Variants in TEX38 observed in about 807,000 individuals in gnomAD.
TEX38 encodes the protein testis-expressed protein 38.
TEX38 carries 5 observed loss-of-function variants against 2.7 expected under a neutral mutation model. The ratio of observed to expected loss-of-function variants is 1.86; its 90% CI spans 0.97 to 3.90. The LOEUF (loss-of-function observed/expected upper bound fraction) is 3.90, where lower values mean the gene tolerates loss of function less well. Ranked by LOEUF, TEX38 falls within the 30% of genes most tolerant of loss-of-function variation. The pLI, the probability that TEX38 is intolerant of heterozygous loss-of-function variation, is 0.00. For missense variants in TEX38, 218 were observed against 247.9 expected (o/e 0.88, Z 0.81); for synonymous variants, 110 against 103.3 (o/e 1.06, Z -0.39).
upstream of TEX38, among the ~76,000 whole-genome samples, chr1:46,670,611 T>C (rs537913434): frequency 6.6e-6 from 1 of 152,154 alleles, no homozygotes; most frequent in Non-Finnish European, 1.5e-5. Flanking sequence ...TGAATGTAGA[T>C]AGAGCACTAA....
chr1:46,672,936 T>C lies in TEX38; in HGVS notation c.101T>C (p.Ile34Thr). ...TCTGTGATAACTGGAGGGTGCATTATCTTTCTGCACTGGAGGAAGAACTTG... is the reference window on the plus strand; with the variant it reads ...TCTGTGATAACTGGAGGGTGCATTACCTTTCTGCACTGGAGGAAGAACTTG... ...LCSVITGGCI[I>T]FLHWRKNLRR... Residue 34 changes from isoleucine to threonine, a missense_variant, in exon 2 of 2, where the codon ATC becomes ACC. Ile to Thr is a moderately conservative substitution (Grantham distance 89). Transcript: ENST00000334122. 6.4e-7 allele frequency: 1 copy of C among 1,551,742 alleles called. No homozygotes were observed.
In TEX38 at chr1:46,673,425, T is replaced by G. The variant is rs1000167873; in HGVS notation, c.590T>G (p.Phe197Cys). ...LLNLAQEDHSFNAKPFPSEL is the reference protein window; with the variant it reads ...LLNLAQEDHSCNAKPFPSEL ...AATCTGGCCCAGGAAGACCATAGCT[T>G]CAATGCCAAGCCTTTTCCTTCAGAA... The change falls in exon 2 of 2, where the codon TTC (phenylalanine) becomes TGC (cysteine). Residue 197 changes from phenylalanine to cysteine, a missense_variant. Coordinates refer to ENST00000334122, the MANE Select transcript of TEX38 (RefSeq NM_001145474.4). 15 of 1,551,654 alleles carry G rather than the reference T, an allele frequency of 9.7e-6. No individual in the cohort carries two copies. In the African/African-American group the frequency reaches 1.2e-4, roughly 13 times the overall value.
chr1:46,670,283 T>C (rs685862), upstream of TEX38, among the ~76,000 whole-genome samples: 11,885 of 152,126 alleles, frequency 0.078, 1,185 homozygotes, highest in East Asian at 0.4. Context: ...ATGGAGTCAG[T>C]GTGGGTGTGA....
upstream of TEX38, among the ~76,000 whole-genome samples, chr1:46,671,501 A>G (rs1676581903): frequency 6.6e-6 from 1 of 152,190 alleles, no homozygotes; most frequent in African/African-American, 2.4e-5. Context: ...AGGGCTGCCC[A>G]ATGCTGTGTG....
chr1:46,673,353 C>T lies in TEX38; in HGVS notation c.518C>T (p.Pro173Leu). 1 of 1,551,904 alleles carries T rather than the reference C, an allele frequency of 6.4e-7. No homozygotes were observed. Among genetic ancestry groups the T allele is most frequent in the East Asian group, 2.4e-5 (1 of 40,924 alleles). ...CTGCTGAACCACTCTGTCTCCTATC[C>T]TTTGGCCACCTGTCCTGAAAGGAAT... ...PPLLNHSVSYPLATCPERNVL... is the reference protein window; with the variant it reads ...PPLLNHSVSYLLATCPERNVL... The change falls in exon 2 of 2, where the codon CCT (proline) becomes CTT (leucine). Residue 173 changes from proline to leucine, a missense_variant. Transcript: ENST00000334122.
Position 46,673,009 on chromosome 1 carries a change from C to T in TEX38, c.174C>T (p.Ala58=). 1.3e-6 allele frequency: 2 copies of T among 1,551,700 alleles called. No individual in the cohort carries two copies. Among genetic ancestry groups the T allele is most frequent in the Middle Eastern group, 3.3e-4 (2 of 5,992 alleles). Residue 58 remains alanine (A), a synonymous_variant, in exon 2 of 2, where the codon GCC becomes GCT. Coordinates refer to ENST00000334122, the MANE Select transcript of TEX38 (RefSeq NM_001145474.4). ...AGTGGGTGGAGGTGATGAGAGCTGCCACATTCACCTACAGCCCATTGTTGT... is the reference window on the plus strand; with the variant it reads ...AGTGGGTGGAGGTGATGAGAGCTGCTACATTCACCTACAGCCCATTGTTGT... ...AQQWVEVMRA[A]TFTYSPLLYW...
In TEX38 at chr1:46,673,217, C is replaced by G; in HGVS notation, c.382C>G (p.Leu128Val). Residue 128 changes from leucine (L) to valine (V), a missense_variant, in exon 2 of 2, where the codon CTG (leucine) becomes GTG (valine). Transcript: ENST00000334122. ...SNPKAEAPAPLQPALQLAPQQ... is the reference protein window; with the variant it reads ...SNPKAEAPAPVQPALQLAPQQ... ...CCCCAAGGCGGAAGCCCCTGCTCCCCTGCAACCTGCACTGCAGCTGGCTCC... is the reference window on the plus strand; with the variant it reads ...CCCCAAGGCGGAAGCCCCTGCTCCCGTGCAACCTGCACTGCAGCTGGCTCC... 1.3e-6 allele frequency: 2 copies of G among 1,550,648 alleles called. No individual in the cohort carries two copies. Among genetic ancestry groups the G allele is most frequent in the Non-Finnish European group, 1.7e-6 (2 of 1,146,384 alleles).
chr1:46,672,922 T>C lies in TEX38; in HGVS notation c.87T>C (p.Thr29=). The change falls in exon 2 of 2, where the codon ACT becomes ACC. Residue 29 remains threonine (T), a synonymous_variant. Transcript: ENST00000334122. ...FGILGLCSVI[T]GGCIIFLHWR... The stretch of plus-strand genomic sequence containing the variant: ...TCCTGGGGCTGTGTTCTGTGATAAC[T>C]GGAGGGTGCATTATCTTTCTGCACT... 1.3e-6 allele frequency: 2 copies of C among 1,551,710 alleles called. No individual in the cohort carries two copies. Among genetic ancestry groups the C allele is most frequent in the Non-Finnish European group, 1.7e-6 (2 of 1,147,000 alleles).
upstream of TEX38, among the ~76,000 whole-genome samples, chr1:46,670,707 A>G (rs1321429995): frequency 2.6e-5 from 4 of 152,174 alleles, no homozygotes; most frequent in African/African-American, 9.7e-5. Flanking sequence ...GGGGCCAGTG[A>G]TATACGAGGA....
In TEX38 at chr1:46,673,429, TG is replaced by T. The variant is rs1251249617; in HGVS notation, c.595del (p.Ala199ProfsTer47). 1.3e-6 allele frequency: 2 copies of T among 1,551,580 alleles called. No homozygotes were observed. The highest frequency in any genetic ancestry group is 1.7e-6 in the Non-Finnish European group (2 of 1,146,788). On this transcript the variant is annotated frameshift_variant, in exon 2 of 2. Coordinates refer to ENST00000334122, the MANE Select transcript of TEX38 (RefSeq NM_001145474.4). LOFTEE classifies it high-confidence loss of function. ...TGGCCCAGGAAGACCATAGCTTCAA[TG>T]CCAAGCCTTTTCCTTCAGAACTGTA... ...NLAQEDHSFNAKPFPSEL is the reference protein window; with the variant it reads ...NLAQEDHSFNXKPFPSEL
chr1:46,672,434 G>A (rs982912254), intron 1 of TEX38, among the ~76,000 whole-genome samples: 2 of 151,940 alleles, frequency 1.3e-5, no homozygotes, highest in Non-Finnish European at 2.9e-5. Flanking sequence ...TAGTAGAGAC[G>A]GGGTTTCACC....
intron 1 of TEX38, among the ~76,000 whole-genome samples, chr1:46,672,183 G>A (rs1473609997): frequency 6.6e-6 from 1 of 151,870 alleles, no homozygotes; most frequent in Non-Finnish European, 1.5e-5. Context: ...AATAGCCCAG[G>A]ACTATCACAG....
chr1:46,672,993 A>C lies in TEX38; in HGVS notation c.158A>C (p.Glu53Ala). The C allele has an allele frequency of 6.4e-7, 1 of 1,551,662 alleles. No homozygotes were observed. The highest frequency in any genetic ancestry group is 8.7e-7 in the Non-Finnish European group (1 of 1,146,976). The part of the protein sequence containing the change: ...RREEHAQQWV[E>A]VMRAATFTYS... ...GAAGAGCATGCCCAGCAGTGGGTGG[A>C]GGTGATGAGAGCTGCCACATTCACC... Residue 53 changes from glutamate (E) to alanine (A), a missense_variant, in exon 2 of 2, where the codon GAG becomes GCG. Physicochemically the swap from Glu to Ala is moderately radical, Grantham distance 107. Coordinates refer to ENST00000334122, the MANE Select transcript of TEX38 (RefSeq NM_001145474.4).
intron 1 of TEX38, 47 bp from the exon 2 acceptor site, chr1:46,672,826 C>A: frequency 6.7e-7 from 1 of 1,495,974 alleles, no homozygotes; most frequent in Non-Finnish European, 9.0e-7. Context: ...AGGCCCCAAG[C>A]TACAGCTATC....
upstream of TEX38, among the ~76,000 whole-genome samples, chr1:46,670,121 C>T (rs1473710512): frequency 6.6e-6 from 1 of 152,096 alleles, no homozygotes; most frequent in Non-Finnish European, 1.5e-5. Context: ...TGAGAACCCA[C>T]CCCAAGTCCT....
chr1:46,669,508 A>C (rs2148830488), upstream of TEX38: 1 of 455,504 alleles, frequency 2.2e-6, no homozygotes, highest in Admixed American at 2.4e-5. Flanking sequence ...CTAAATGACA[A>C]CCCCTCCATC....
At position 46,673,570 on chromosome 1, in the gene TEX38, G is replaced by T; in HGVS notation, c.*114G>T. 4.8e-6 allele frequency: 4 copies of T among 837,614 alleles called. No homozygotes were observed. The highest frequency in any genetic ancestry group is 3.2e-5 in the South Asian group (1 of 30,896). The allele number at this position is 837,614 out of a possible 1,614,324, so 51.9% of individuals were successfully genotyped here. On this transcript the variant is annotated 3_prime_UTR_variant, in exon 2 of 2. Transcript: ENST00000334122. ...AGGACCCACCTGGATGTCATGCTAT[G>T]AAACATTAAAAGAAAAAAAAAAAAG...
chr1:46,671,871 G>T lies in TEX38; in HGVS notation c.-64G>T. 6.6e-7 allele frequency: 1 copy of T among 1,515,664 alleles called. No homozygotes were observed. Among genetic ancestry groups the T allele is most frequent in the African/African-American group, 1.4e-5 (1 of 72,432 alleles). 93.9% of individuals were successfully genotyped at this position (1,515,664 alleles called of 1,614,324 possible). A position where few individuals can be genotyped will look rare whatever the true frequency, so the allele number is the denominator to read the frequency against. ...GGCTGGGCAGATGGGCTGACTGGCT[G>T]GGCAGATGGGTGGGTGAGTTCCCTC... is the stretch of plus-strand genomic sequence containing the variant. On this transcript the variant is annotated 5_prime_UTR_variant, in exon 1 of 2. Transcript: ENST00000334122.
At chr1:46,669,834 G>A (rs1676557297), upstream of TEX38, among the ~76,000 whole-genome samples, 2 of 152,134 alleles carry the variant, frequency 1.3e-5, no homozygotes, top group African/African-American at 4.8e-5. Context: ...GAATGAGTGA[G>A]GGCACAGCAG....
Sources: allele counts gnomAD v4.1 joint callset (sites outside exome capture counted in the v4.1 genomes callset), GRCh38; gene constraint gnomAD v4.1.1; transcripts MANE v1.5; gene names NCBI Gene and HGNC (gene_info 2026-07-23, HGNC 2026-07-21).